RBM33: variants seen among roughly 807,000 people sequenced by gnomAD.
The protein encoded by RBM33 is RNA binding motif protein 33.
In RBM33, 28 loss-of-function variants were observed where a neutral mutation model predicts 132.6. That is an observed-to-expected ratio of 0.21 (90% CI 0.16 to 0.29). The LOEUF (loss-of-function observed/expected upper bound fraction) is 0.29. Ranked by LOEUF, RBM33 falls within the 10% of genes least tolerant of loss-of-function variation. The pLI is 1.00. For synonymous variants in RBM33, 634 were observed against 593.0 expected, an observed-to-expected ratio of 1.07 and a Z score of -1.01; for missense variants, 1,291 against 1,518.5, an observed-to-expected ratio of 0.85 and a Z score of 2.49.
At chr7:155,652,120 A>G (rs573916057) in intron 1 of RBM33, among the ~76,000 whole-genome samples, 2 of 152,312 alleles carry the variant, frequency 1.3e-5, no homozygotes, top group Admixed American at 1.3e-4. Context: ...TAAAATAAGG[A>G]ATTTTGACTA....
intron 7 of RBM33, among the ~76,000 whole-genome samples, chr7:155,709,552 T>C (rs575634735): frequency 2.3e-4 from 35 of 152,314 alleles, no homozygotes; most frequent in African/African-American, 8.4e-4. Flanking sequence ...TCCAGACACA[T>C]GTTTCACAGG....
intron 5 of RBM33, among the ~76,000 whole-genome samples, chr7:155,686,381 T>C (rs1419890706): frequency 2.6e-5 from 4 of 152,132 alleles, no homozygotes; most frequent in African/African-American, 9.7e-5. Context: ...GACAGAAGAC[T>C]GCGTGGAGAT....
chr7:155,652,404 GA>G (rs1356880551), intron 1 of RBM33, among the ~76,000 whole-genome samples: 1 of 152,218 alleles, frequency 6.6e-6, no homozygotes, highest in Admixed American at 6.5e-5. Flanking sequence ...AATTTGGGCA[GA>G]AACAGGTGGC....
rs1404822357 is a variant in RBM33, at chr7:155,745,995, G to A, written c.2979+393G>A. Among the ~76,000 whole-genome samples, 1 of 152,140 alleles carries A rather than the reference G, an allele frequency of 6.6e-6. No homozygotes were observed. Among genetic ancestry groups the A allele is most frequent in the Non-Finnish European group, 1.5e-5 (1 of 68,032 alleles). On this transcript the variant is annotated intron_variant, in intron 14 of 17. Transcript: ENST00000401878. This position sits in a 1 kb window ranked among gnomAD's most constrained non-coding sequence, Gnocchi z 4.1. ...TGTGTCGAAATGTATCTTAGTGAAG[G>A]TACAGTAAAAATACAGTGTCATAAC...
rs1397531917 is a variant in RBM33, at chr7:155,766,863, A to T, written c.3375+208A>T. 3 of 584,982 alleles carry T rather than the reference A, an allele frequency of 5.1e-6. No individual in the cohort carries two copies. In the African/African-American group the frequency reaches 5.7e-5, roughly 11 times the overall value. The allele number at this position is 584,982 out of a possible 1,614,324, so 36.2% of individuals were successfully genotyped here. A position where few individuals can be genotyped will look rare whatever the true frequency, so the allele number is the denominator to read the frequency against. ...TGAAATTTTCAGATTCTTAGTTATAAATTTTAAGAAATAAATACCCCAGCT... is the reference window on the plus strand; with the variant it reads ...TGAAATTTTCAGATTCTTAGTTATATATTTTAAGAAATAAATACCCCAGCT... On this transcript the variant is annotated intron_variant, in intron 16 of 17. Coordinates refer to ENST00000401878, the MANE Select transcript of RBM33 (RefSeq NM_053043.3).
In RBM33 at chr7:155,738,369, C is replaced by G. The variant is rs763742295; in HGVS notation, c.1703C>G (p.Pro568Arg). The G allele has an allele frequency of 1.2e-6, 2 of 1,613,722 alleles. No individual in the cohort carries two copies. Reference protein sequence around the residue: ...RQPFLPGPGQPFLPTHTQPNL... With the variant: ...RQPFLPGPGQRFLPTHTQPNL... ...CCGTTCCTGCCAGGCCCAGGACAGCCGTTTCTGCCCACACACACACAGCCC... is the reference window on the plus strand; with the variant it reads ...CCGTTCCTGCCAGGCCCAGGACAGCGGTTTCTGCCCACACACACACAGCCC... The change falls in exon 11 of 18, where the codon CCG becomes CGG. Residue 568 changes from proline to arginine, a missense_variant. Physicochemically the swap from Pro to Arg is moderately radical, Grantham distance 103. Around this residue, in one of 7 missense-constraint regions of RBM33, gnomAD observed 841 missense variants for 912.0 expected, o/e 0.92. Coordinates refer to ENST00000401878, the MANE Select transcript of RBM33 (RefSeq NM_053043.3).
intron 3 of RBM33, among the ~76,000 whole-genome samples, chr7:155,673,607 T>G: frequency 1.1e-5 from 1 of 92,464 alleles, no homozygotes; most frequent in Admixed American, 9.8e-5. Flanking sequence ...CACATATACA[T>G]ACACACGTGT....
Position 155,655,106 on chromosome 7 carries a change from G to A in RBM33, c.44-10069G>A, listed in dbSNP as rs1402933400. 2.0e-5 allele frequency among the ~76,000 whole-genome samples: 3 copies of A among 152,298 alleles called. No individual in the cohort carries two copies. The East Asian group carries it at 5.8e-4, about 29-fold the overall frequency. On this transcript the variant is annotated intron_variant, in intron 1 of 17. Transcript: ENST00000401878. ...AGACCATAAATCCATAATTAATTCT[G>A]TGTGAACAGATAACTACCATTGTAG...
intron 1 of RBM33, among the ~76,000 whole-genome samples, chr7:155,663,835 C>G (rs986889920): frequency 6.6e-6 from 1 of 152,154 alleles, no homozygotes; most frequent in Admixed American, 6.5e-5. Flanking sequence ...TGCTGTCTCT[C>G]AGATTTCTTT....
chr7:155,711,547 C>A (rs1022823419), intron 8 of RBM33, 92 bp downstream of exon 8: 7 of 759,048 alleles, frequency 9.2e-6, no homozygotes, highest in Non-Finnish European at 1.4e-5. Flanking sequence ...TTTTTGACTT[C>A]ATGAGTGTGT....
chr7:155,776,043 G>T lies in RBM33; in HGVS notation c.*1002G>T, dbSNP rs1802596855. ...TGGCCTGCCGTTCCCCGTGGCATGC[G>T]GGGTGAGGGTGGCTTTCTTCCAGCC... is the stretch of plus-strand genomic sequence containing the variant. On this transcript the variant is annotated 3_prime_UTR_variant, in exon 18 of 18. Transcript: ENST00000401878. The surrounding 1 kb of genome is among the most constrained non-coding windows in gnomAD (Gnocchi z 4.0). 6.6e-6 allele frequency: 1 copy of T among 152,252 alleles called. No homozygotes were observed. Among genetic ancestry groups the T allele is most frequent in the Non-Finnish European group, 1.5e-5 (1 of 68,036 alleles). 9.4% of individuals were successfully genotyped at this position (152,252 alleles called of 1,614,324 possible).
intron 1 of RBM33, among the ~76,000 whole-genome samples, chr7:155,648,405 TC>T (rs1322549004): frequency 6.6e-6 from 1 of 152,194 alleles, no homozygotes; most frequent in Non-Finnish European, 1.5e-5. Context: ...TTTTTTGACT[TC>T]TAGTTCAGTG....
rs1563138289 is a variant in RBM33 at position 155,673,943 on chromosome 7, T to TTG, written c.171+1029_171+1030insGT. Among the ~76,000 whole-genome samples, 43 of 17,334 alleles carry TTG rather than the reference T, an allele frequency of 2.5e-3. 5 individuals carry two copies. The highest frequency in any genetic ancestry group is 9.7e-3 in the African/African-American group (39 of 4,010). 11.4% of individuals were successfully genotyped at this position (17,334 alleles called of 152,430 possible). ...TTATCAAGATAGTTTAGGCTTAGTT[T>TTG]TTTTTTTTTTTTTTTTTTTTTTTTT... On this transcript the variant is annotated intron_variant, in intron 3 of 17. Transcript: ENST00000401878.
intron 9 of RBM33, among the ~76,000 whole-genome samples, chr7:155,720,853 T>C (rs1379525329): frequency 1.3e-5 from 2 of 152,184 alleles, no homozygotes; most frequent in Non-Finnish European, 2.9e-5. Context: ...TGGGGTTCAA[T>C]CAATATTTGT....
chr7:155,675,442 C>T (rs1799156142), intron 3 of RBM33, among the ~76,000 whole-genome samples: 1 of 151,790 alleles, frequency 6.6e-6, no homozygotes, highest in Admixed American at 6.6e-5. Context: ...TTTGTATATG[C>T]TACAGTGTCC....
intron 9 of RBM33, among the ~76,000 whole-genome samples, chr7:155,732,962 A>G (rs1019480942): frequency 6.6e-6 from 1 of 152,214 alleles, no homozygotes; most frequent in Non-Finnish European, 1.5e-5. Context: ...GAGCCTGGCC[A>G]CAGGGGTAGA....
At chr7:155,755,824 T>G (rs1191148141) in intron 14 of RBM33, among the ~76,000 whole-genome samples, 1 of 88,552 alleles carries the variant, frequency 1.1e-5, no homozygotes, top group African/African-American at 5.1e-5. Context: ...TACAGACCTC[T>G]TTTTTTTTGT....
intron 7 of RBM33, among the ~76,000 whole-genome samples, chr7:155,710,130 T>G (rs1468120854): frequency 1.3e-5 from 2 of 152,234 alleles, no homozygotes; most frequent in Non-Finnish European, 2.9e-5. Flanking sequence ...GATCATTTAC[T>G]TGGAATTTAG....
At position 155,661,144 on chromosome 7, in the gene RBM33, A is replaced by ATTTTTT. The variant is rs1276158233; in HGVS notation, c.44-4030_44-4029insTTTTTT. 3.4e-4 allele frequency among the ~76,000 whole-genome samples: 14 copies of ATTTTTT among 40,700 alleles called. 2 individuals carry two copies. Among genetic ancestry groups the ATTTTTT allele is most frequent in the African/African-American group, 9.6e-4 (12 of 12,550 alleles). The allele number at this position is 40,700 out of a possible 152,430, so 26.7% of individuals were successfully genotyped here. ...TGTGTGTGTGTGTATATATATATAT[A>ATTTTTT]TATTTTTTTTTTTTTGAGACAGAGT... On this transcript the variant is annotated intron_variant, in intron 1 of 17. Transcript: ENST00000401878.
Sources: allele counts gnomAD v4.1 joint callset (sites outside exome capture counted in the v4.1 genomes callset), GRCh38; gene constraint gnomAD v4.1.1; regional missense constraint gnomAD v4.1.1; non-coding constraint Gnocchi (gnomAD v3.1); transcripts MANE v1.5; gene names NCBI Gene and HGNC (gene_info 2026-07-23, HGNC 2026-07-21).